Variants in CYP7B1 observed in about 807,000 individuals in gnomAD.
CYP7B1 encodes the protein cytochrome P450 family 7 subfamily B member 1.
CYP7B1 carries 29 observed loss-of-function variants against 42.7 expected under a neutral mutation model. That is an observed-to-expected ratio of 0.68 (90% CI 0.51 to 0.93). The LOEUF (loss-of-function observed/expected upper bound fraction) is 0.93, where lower values mean the gene tolerates loss of function less well. CYP7B1 is among the 40% of genes least tolerant of loss of function. The pLI, the probability that CYP7B1 is intolerant of heterozygous loss-of-function variation, is 0.00. For synonymous variants in CYP7B1, 235 were observed against 218.2 expected (o/e 1.08, Z -0.68); for missense variants, 655 against 600.5 (o/e 1.09, Z -0.95).
At chr8:64,759,618 T>G (rs536379964) in intron 1 of CYP7B1, among the ~76,000 whole-genome samples, 1 of 152,278 alleles carries the variant, frequency 6.6e-6, no homozygotes, top group South Asian at 2.1e-4. Context: ...GAATATGAAC[T>G]GTTAGACTTT....
chr8:64,628,142 A>G (rs1300070043), intron 1 of CYP7B1, among the ~76,000 whole-genome samples: 1 of 152,158 alleles, frequency 6.6e-6, no homozygotes, highest in Non-Finnish European at 1.5e-5. Flanking sequence ...CAAACAATAT[A>G]CATTTCCTCA....
chr8:64,658,532 C>T (rs1806155081), intron 1 of CYP7B1, among the ~76,000 whole-genome samples: 1 of 152,108 alleles, frequency 6.6e-6, no homozygotes, highest in Admixed American at 6.5e-5. Flanking sequence ...AGTGACTCAT[C>T]ACACCCTTTT....
At chr8:64,731,619 T>G (rs1807410315) in intron 1 of CYP7B1, among the ~76,000 whole-genome samples, 1 of 152,210 alleles carries the variant, frequency 6.6e-6, no homozygotes, top group Non-Finnish European at 1.5e-5. Flanking sequence ...TTTGCGTAAG[T>G]ACCAAGGAGC....
intron 1 of CYP7B1, among the ~76,000 whole-genome samples, chr8:64,729,856 G>A (rs910205461): frequency 2.6e-5 from 4 of 152,096 alleles, no homozygotes; most frequent in African/African-American, 9.7e-5. Flanking sequence ...CTTCCTCTGG[G>A]ACATCTTTGT....
At chr8:64,778,489 G>C (rs1804363928) in intron 1 of CYP7B1, among the ~76,000 whole-genome samples, 2 of 151,922 alleles carry the variant, frequency 1.3e-5, no homozygotes, top group Admixed American at 1.3e-4. Flanking sequence ...TATTTGAACT[G>C]TCTGTAACAC....
At position 64,591,304 on chromosome 8, in the gene CYP7B1, T is replaced by G. The variant is rs1805029767; in HGVS notation, c.*5338A>C. On this transcript the variant is annotated 3_prime_UTR_variant, in exon 6 of 6. Transcript: ENST00000310193. ...TAATTTAAAATAGTGCTACAGAGAA[T>G]GTCATCTTGGCTTGCTAACTTTTTC... Among the ~76,000 whole-genome samples the G allele has an allele frequency of 6.6e-6, 1 of 152,212 alleles. No individual in the cohort carries two copies.
chr8:64,761,175 A>G (rs1322347868), intron 1 of CYP7B1, among the ~76,000 whole-genome samples: 1 of 152,164 alleles, frequency 6.6e-6, no homozygotes, highest in Non-Finnish European at 1.5e-5. Context: ...GGTAGTTGCT[A>G]AGGATTAGAA....
chr8:64,666,584 G>T (rs1396852692), intron 1 of CYP7B1, among the ~76,000 whole-genome samples: 1 of 152,060 alleles, frequency 6.6e-6, no homozygotes, highest in Non-Finnish European at 1.5e-5. Context: ...TGACCCCTGG[G>T]GCAGAAAACA....
intron 1 of CYP7B1, among the ~76,000 whole-genome samples, chr8:64,644,959 G>A (rs1320181707): frequency 1.4e-5 from 2 of 142,910 alleles, no homozygotes; most frequent in Non-Finnish European, 3.0e-5. Flanking sequence ...TCCTTCCTGT[G>A]TCCATGTGTT....
At chr8:64,776,766 A>G (rs1452468098) in intron 1 of CYP7B1, among the ~76,000 whole-genome samples, 1 of 152,070 alleles carries the variant, frequency 6.6e-6, no homozygotes, top group Admixed American at 6.6e-5. Context: ...CTTCCTCTAA[A>G]GGAGGTCATA....
intron 5 of CYP7B1, among the ~76,000 whole-genome samples, chr8:64,602,377 G>A (rs1226232785): frequency 6.6e-6 from 1 of 152,198 alleles, no homozygotes; most frequent in East Asian, 1.9e-4. Context: ...GGAATAGGGA[G>A]ATGCAGATCC....
chr8:64,694,445 T>C (rs985379189), intron 1 of CYP7B1, among the ~76,000 whole-genome samples: 2 of 152,112 alleles, frequency 1.3e-5, no homozygotes, highest in Non-Finnish European at 2.9e-5. Context: ...GGAATTCTGC[T>C]AAAGTTGGAG....
At chr8:64,765,253 T>C (rs1563420247) in intron 1 of CYP7B1, among the ~76,000 whole-genome samples, 1 of 152,238 alleles carries the variant, frequency 6.6e-6, no homozygotes, top group Non-Finnish European at 1.5e-5. Flanking sequence ...GTTAACAGTG[T>C]AACCTGCATT....
intron 1 of CYP7B1, among the ~76,000 whole-genome samples, chr8:64,660,867 G>T: frequency 6.6e-6 from 1 of 152,038 alleles, no homozygotes; most frequent in East Asian, 1.9e-4. Flanking sequence ...TGAGGGAGTG[G>T]GTAATTGCAC....
At chr8:64,796,701 T>C (rs1208663377) in intron 1 of CYP7B1, among the ~76,000 whole-genome samples, 1 of 152,214 alleles carries the variant, frequency 6.6e-6, no homozygotes, top group East Asian at 1.9e-4. Flanking sequence ...TCATTACAAA[T>C]AATGACTTCT....
rs71260892 is a variant in CYP7B1 at position 64,624,951 on chromosome 8, C to CTTTTTTTTTTT, written c.123-423_123-413dup. Among the ~76,000 whole-genome samples, 62 of 54,062 alleles carry CTTTTTTTTTTT rather than the reference C, an allele frequency of 1.1e-3. 17 individuals carry two copies. Among genetic ancestry groups the CTTTTTTTTTTT allele is most frequent in the African/African-American group, 5.0e-3 (48 of 9,662 alleles). The allele number at this position is 54,062 out of a possible 152,430, so 35.5% of individuals were successfully genotyped here. On this transcript the variant is annotated intron_variant, in intron 1 of 5. Coordinates refer to ENST00000310193, the MANE Select transcript of CYP7B1 (RefSeq NM_004820.5). ...AGTCCCCAAAGTCCATTATATCATT[C>CTTTTTTTTTTT]TTTTTTTTTTTTTTTTTTTTTTTTT...
chr8:64,612,293 A>T (rs1435805024), intron 4 of CYP7B1, among the ~76,000 whole-genome samples: 1 of 152,034 alleles, frequency 6.6e-6, no homozygotes, highest in African/African-American at 2.4e-5. Flanking sequence ...TTTAAGCCCC[A>T]AGTAACAGTT....
chr8:64,649,097 C>T (rs1404836374), intron 1 of CYP7B1, among the ~76,000 whole-genome samples: 7 of 152,132 alleles, frequency 4.6e-5, no homozygotes, highest in Admixed American at 1.3e-4. Context: ...TTTTCATCTT[C>T]CACCACCAAA....
intron 1 of CYP7B1, among the ~76,000 whole-genome samples, chr8:64,758,601 GA>G (rs1219248140): frequency 6.6e-6 from 1 of 152,016 alleles, no homozygotes; most frequent in East Asian, 1.9e-4. Context: ...TGGCATATAG[GA>G]AATAATAAAT....
Sources: gnomAD v4.1 joint callset for allele counts (sites outside exome capture counted in the v4.1 genomes callset) on GRCh38, gnomAD v4.1.1 for gene constraint, MANE v1.5 for transcripts, NCBI Gene and HGNC (gene_info 2026-07-23, HGNC 2026-07-21) for gene names.